TRPM3: variants seen among roughly 807,000 people sequenced by gnomAD.
The protein encoded by TRPM3 is transient receptor potential cation channel subfamily M member 3.
TRPM3 carries 77 observed loss-of-function variants against 181.2 expected under a neutral mutation model. The ratio of observed to expected loss-of-function variants is 0.42; its 90% CI spans 0.35 to 0.51. The LOEUF is 0.51. TRPM3 is among the 20% of genes least tolerant of loss of function. The pLI is 0.01. For missense variants in TRPM3, 1,759 were observed against 2,196.7 expected (o/e 0.80, Z 3.98); for synonymous variants, 745 against 796.4 (o/e 0.94, Z 1.09).
intron 1 of TRPM3, among the ~76,000 whole-genome samples, chr9:71,042,620 T>C (rs567599437): frequency 6.6e-6 from 1 of 152,304 alleles, no homozygotes; most frequent in African/African-American, 2.4e-5. Context: ...ATGTCCAAGC[T>C]AATATTTACA....
rs543083957 is a variant in TRPM3 at position 71,205,311 on chromosome 9, T to A, written c.183+241342A>T. Among the ~76,000 whole-genome samples, 13 of 152,282 alleles carry A rather than the reference T, an allele frequency of 8.5e-5. No individual in the cohort carries two copies. The South Asian group carries it at 2.7e-3, about 32-fold the overall frequency. The stretch of plus-strand genomic sequence containing the variant: ...AAAGAGGAACAAGAACGATTATTTC[T>A]ATGAAATAAGTACTATTTTTACTCT... On this transcript the variant is annotated intron_variant, in intron 1 of 24. Coordinates refer to the TRPM3 transcript ENST00000357533.
At chr9:70,868,320 G>A (rs1032528228) in intron 1 of TRPM3, among the ~76,000 whole-genome samples, 2 of 151,988 alleles carry the variant, frequency 1.3e-5, no homozygotes, top group Non-Finnish European at 2.9e-5. Flanking sequence ...AGACAGAAAT[G>A]AGGACACTCA....
chr9:70,586,926 T>C (rs2057234791), intron 22 of TRPM3, among the ~76,000 whole-genome samples: 2 of 152,016 alleles, frequency 1.3e-5, no homozygotes, highest in South Asian at 2.1e-4. Flanking sequence ...TGGCTTTACA[T>C]GCACACACAT....
chr9:70,944,564 C>T (rs2133599432), intron 1 of TRPM3, among the ~76,000 whole-genome samples: 1 of 152,256 alleles, frequency 6.6e-6, no homozygotes, highest in South Asian at 2.1e-4. Context: ...TCCTCTCCTA[C>T]TCAACAAGCC....
At chr9:71,252,847 C>CTTTT (rs11417438) in intron 1 of TRPM3, among the ~76,000 whole-genome samples, 6 of 84,748 alleles carry the variant, frequency 7.1e-5, no homozygotes, top group South Asian at 4.5e-4. Context: ...AATTTTGTCT[C>CTTTT]TTTTTTTTTT....
chr9:71,213,507 ATGTTT>A (rs777759330), intron 1 of TRPM3, among the ~76,000 whole-genome samples: 4 of 152,144 alleles, frequency 2.6e-5, no homozygotes, highest in Non-Finnish European at 4.4e-5. Context: ...TAGCAATACT[ATGTTT>A]TGTTTTGTTT....
intron 1 of TRPM3, among the ~76,000 whole-genome samples, chr9:70,874,612 C>T (rs1407293210): frequency 6.6e-6 from 1 of 151,972 alleles, no homozygotes; most frequent in African/African-American, 2.4e-5. Context: ...TTTCACAATT[C>T]ATTCCTTCTG....
intron 1 of TRPM3, among the ~76,000 whole-genome samples, chr9:71,272,837 G>A (rs1481385767): frequency 6.6e-6 from 1 of 151,488 alleles, no homozygotes; most frequent in African/African-American, 2.4e-5. Flanking sequence ...CTAAAAATGT[G>A]CATGAATTTA....
At position 70,683,506 on chromosome 9, in the gene TRPM3, G is replaced by A. The variant is rs114046056; in HGVS notation, c.1273-1928C>T. The stretch of plus-strand genomic sequence containing the variant: ...TTGCCCAGGCTGGTCCTGAACTCCT[G>A]GTCTTGGCCTCCCAAAGTGCTGGGA... On this transcript the variant is annotated intron_variant, in intron 8 of 25. Transcript: ENST00000677713. 2.6e-3 allele frequency among the ~76,000 whole-genome samples: 326 copies of A among 126,062 alleles called. 2 individuals are homozygous for A. Among genetic ancestry groups the A allele is most frequent in the African/African-American group, 9.3e-3 (307 of 33,008 alleles). 82.7% of individuals were successfully genotyped at this position (126,062 alleles called of 152,430 possible).
At chr9:70,771,992 T>C (rs1258250032) in intron 7 of TRPM3, among the ~76,000 whole-genome samples, 1 of 152,134 alleles carries the variant, frequency 6.6e-6, no homozygotes, top group Non-Finnish European at 1.5e-5. Context: ...GCCTGGAACA[T>C]AGTAGGTGTT....
chr9:70,821,218 T>C (rs1220802505), intron 6 of TRPM3, among the ~76,000 whole-genome samples: 1 of 152,132 alleles, frequency 6.6e-6, no homozygotes, highest in African/African-American at 2.4e-5. Flanking sequence ...GTGGCCAACA[T>C]TGGTTTAAAA....
intron 8 of TRPM3, among the ~76,000 whole-genome samples, chr9:70,741,591 T>C (rs1474819338): frequency 1.3e-5 from 2 of 151,972 alleles, no homozygotes; most frequent in Non-Finnish European, 2.9e-5. Context: ...AATCAACAAG[T>C]GGACAAAGAA....
At chr9:70,686,267 T>A (rs2066736746) in intron 8 of TRPM3, among the ~76,000 whole-genome samples, 1 of 152,152 alleles carries the variant, frequency 6.6e-6, no homozygotes, top group Non-Finnish European at 1.5e-5. Context: ...TTTTATTATA[T>A]GCATGTACCA....
intron 8 of TRPM3, among the ~76,000 whole-genome samples, chr9:70,699,387 G>T (rs577368323): frequency 6.6e-6 from 1 of 152,188 alleles, no homozygotes; most frequent in Non-Finnish European, 1.5e-5. Context: ...GAAGAAAATG[G>T]TAAGAGAAAA....
chr9:70,830,975 C>A (rs563836358), intron 5 of TRPM3, among the ~76,000 whole-genome samples: 2 of 152,072 alleles, frequency 1.3e-5, no homozygotes, highest in East Asian at 3.9e-4. Flanking sequence ...TTGTTTTGCA[C>A]GAGATAGAAA....
intron 1 of TRPM3, among the ~76,000 whole-genome samples, chr9:71,405,376 T>C (rs1352726249): frequency 2.0e-5 from 3 of 152,204 alleles, no homozygotes; most frequent in Non-Finnish European, 4.4e-5. Flanking sequence ...GGGTTTAGAT[T>C]TGGAAGAGAC....
At chr9:70,889,111 C>A (rs977266568) in intron 1 of TRPM3, among the ~76,000 whole-genome samples, 1 of 152,096 alleles carries the variant, frequency 6.6e-6, no homozygotes, top group African/African-American at 2.4e-5. Context: ...CCTGATTCAC[C>A]CCACTGAAAC....
intron 1 of TRPM3, among the ~76,000 whole-genome samples, chr9:70,957,565 C>G (rs1478146084): frequency 1.3e-5 from 2 of 152,084 alleles, no homozygotes; most frequent in East Asian, 3.9e-4. Context: ...TTGAAGATGG[C>G]ATCCAACAAA....
At chr9:70,580,129 A>G (rs896161788) in intron 22 of TRPM3, among the ~76,000 whole-genome samples, 1 of 152,122 alleles carries the variant, frequency 6.6e-6, no homozygotes, top group Non-Finnish European at 1.5e-5. Flanking sequence ...GTTTTAGAAG[A>G]TATTTTGGAA....
Sources: gnomAD v4.1 joint callset for allele counts (sites outside exome capture counted in the v4.1 genomes callset) on GRCh38, gnomAD v4.1.1 for gene constraint, MANE v1.5 for transcripts, NCBI Gene and HGNC (gene_info 2026-07-23, HGNC 2026-07-21) for gene names.